NLGN1: variants seen among roughly 807,000 people sequenced by gnomAD.
NLGN1 encodes the protein neuroligin 1.
In NLGN1, 12 loss-of-function variants were observed where a neutral mutation model predicts 65.5. The observed-to-expected ratio is 0.18, with a 90% CI of 0.12 to 0.30. The LOEUF (loss-of-function observed/expected upper bound fraction) is 0.30. NLGN1 is among the 10% of genes least tolerant of loss of function. The probability of loss-of-function intolerance (pLI) is 1.00; values close to 1 mark genes in which losing one functional copy is unlikely to be tolerated. For synonymous variants in NLGN1, 350 were observed against 359.5 expected (o/e 0.97, Z 0.30); for missense variants, 750 against 1,007.1 (o/e 0.74, Z 3.46).
chr3:173,696,764 TA>T (rs1049980569), intron 3 of NLGN1, among the ~76,000 whole-genome samples: 1 of 152,212 alleles, frequency 6.6e-6, no homozygotes, highest in Non-Finnish European at 1.5e-5. Flanking sequence ...TTTAACCACA[TA>T]AAAATGTTGC....
intron 4 of NLGN1, among the ~76,000 whole-genome samples, chr3:174,214,814 G>A (rs1737308094): frequency 6.6e-6 from 1 of 152,116 alleles, no homozygotes; most frequent in African/African-American, 2.4e-5. Flanking sequence ...CCTACCCTGA[G>A]TTCCTTCTTC....
At chr3:173,415,890 A>AATAT (rs149873787) in intron 1 of NLGN1, among the ~76,000 whole-genome samples, 2,735 of 134,656 alleles carry the variant, frequency 0.02, 36 homozygotes, top group Non-Finnish European at 0.027. Flanking sequence ...GCAAGGAGTA[A>AATAT]ATATATATAT....
chr3:174,080,652 A>T (rs1741971863), intron 4 of NLGN1, among the ~76,000 whole-genome samples: 2 of 152,058 alleles, frequency 1.3e-5, no homozygotes, highest in Admixed American at 1.3e-4. Context: ...TCCGAGAAGA[A>T]GATCTAGGTT....
intron 4 of NLGN1, among the ~76,000 whole-genome samples, chr3:174,240,546 G>T (rs181950587): frequency 5.3e-5 from 8 of 152,046 alleles, no homozygotes; most frequent in Admixed American, 1.3e-4. Context: ...AAAAAAGTCC[G>T]TAAGAAAAAA....
intron 4 of NLGN1, among the ~76,000 whole-genome samples, chr3:173,937,669 A>G (rs978642309): frequency 6.6e-6 from 1 of 152,138 alleles, no homozygotes; most frequent in African/African-American, 2.4e-5. Context: ...TAAATTACTA[A>G]TAGCTACTAA....
At chr3:173,449,539 G>T (rs898892426) in intron 2 of NLGN1, among the ~76,000 whole-genome samples, 2 of 152,194 alleles carry the variant, frequency 1.3e-5, no homozygotes, top group African/African-American at 4.8e-5. Flanking sequence ...TGTATATTCT[G>T]TTGATTTGGG....
chr3:174,049,213 T>C (rs2152500533), intron 4 of NLGN1, among the ~76,000 whole-genome samples: 1 of 152,196 alleles, frequency 6.6e-6, no homozygotes, highest in African/African-American at 2.4e-5. Context: ...GTTGGTCACA[T>C]AGAGTATGTG....
intron 4 of NLGN1, among the ~76,000 whole-genome samples, chr3:173,869,518 CT>C (rs1180306651): frequency 1.3e-5 from 2 of 152,116 alleles, no homozygotes; most frequent in Non-Finnish European, 2.9e-5. Flanking sequence ...CTGAAGATCT[CT>C]TTAAATCTAT....
At chr3:174,277,812 C>A (rs902378394) in intron 5 of NLGN1, among the ~76,000 whole-genome samples, 3 of 151,548 alleles carry the variant, frequency 2.0e-5, no homozygotes, top group African/African-American at 7.3e-5. Context: ...TGCTTCAACA[C>A]CTTTGTGAAA....
At chr3:174,228,048 C>G (rs1740047710) in intron 4 of NLGN1, among the ~76,000 whole-genome samples, 1 of 151,882 alleles carries the variant, frequency 6.6e-6, no homozygotes, top group South Asian at 2.1e-4. Context: ...GTTATTCGCT[C>G]AGGATTATTG....
chr3:173,990,363 T>C (rs905157965), intron 4 of NLGN1, among the ~76,000 whole-genome samples: 7 of 152,178 alleles, frequency 4.6e-5, no homozygotes, highest in Non-Finnish European at 8.8e-5. Flanking sequence ...TAATCTTGAT[T>C]GAAGACACTT....
chr3:174,066,557 TC>T, intron 4 of NLGN1, among the ~76,000 whole-genome samples: 1 of 146,418 alleles, frequency 6.8e-6, no homozygotes, highest in Non-Finnish European at 1.5e-5. Context: ...TCTCTCTCTC[TC>T]TCTCTCTGTG....
At chr3:173,540,468 G>A (rs1424848688) in intron 2 of NLGN1, among the ~76,000 whole-genome samples, 1 of 152,164 alleles carries the variant, frequency 6.6e-6, no homozygotes, top group African/African-American at 2.4e-5. Context: ...GGTCATAGGA[G>A]GGGCCAGATG....
At chr3:173,953,950 C>A (rs952305874) in intron 4 of NLGN1, among the ~76,000 whole-genome samples, 1 of 152,002 alleles carries the variant, frequency 6.6e-6, no homozygotes, top group Non-Finnish European at 1.5e-5. Flanking sequence ...CCAGGTATGG[C>A]CACCAAAGAT....
chr3:173,727,479 C>A (rs1234262192), intron 3 of NLGN1, among the ~76,000 whole-genome samples: 1 of 152,018 alleles, frequency 6.6e-6, no homozygotes, highest in African/African-American at 2.4e-5. Flanking sequence ...AGTTGTATGC[C>A]CTTCTAGCAC....
intron 4 of NLGN1, among the ~76,000 whole-genome samples, chr3:174,093,278 A>G (rs1744876783): frequency 6.6e-6 from 1 of 152,242 alleles, no homozygotes; most frequent in Non-Finnish European, 1.5e-5. Flanking sequence ...AACCAGATAC[A>G]AAAATTCTGT....
chr3:173,412,496 G>A (rs1020404194), intron 1 of NLGN1, among the ~76,000 whole-genome samples: 1 of 151,838 alleles, frequency 6.6e-6, no homozygotes, highest in Non-Finnish European at 1.5e-5. Flanking sequence ...ATCTTTATTA[G>A]CACACTGACC....
intron 2 of NLGN1, among the ~76,000 whole-genome samples, chr3:173,503,147 A>G (rs955904326): frequency 1.3e-5 from 2 of 151,960 alleles, no homozygotes; most frequent in African/African-American, 2.4e-5. Context: ...ACTTAAGGAT[A>G]TTGAATGACT....
chr3:173,558,062 A>G (rs140743080), intron 2 of NLGN1, among the ~76,000 whole-genome samples: 1 of 152,060 alleles, frequency 6.6e-6, no homozygotes, highest in Non-Finnish European at 1.5e-5. Flanking sequence ...TTAAAGATAC[A>G]GTTGCATTGT....
Sources: allele counts gnomAD v4.1 joint callset (sites outside exome capture counted in the v4.1 genomes callset), GRCh38; gene constraint gnomAD v4.1.1; transcripts MANE v1.5; gene names NCBI Gene and HGNC (gene_info 2026-07-23, HGNC 2026-07-21).